The following FGD6 variants were observed in gnomAD, a reference collection of about 807,000 sequenced individuals.
FGD6 encodes FYVE, RhoGEF and PH domain containing 6.
Under a neutral mutation model 149.4 loss-of-function variants are expected in FGD6, and 90 were observed. The observed-to-expected ratio is 0.60, with a 90% confidence interval of 0.51 to 0.72. The LOEUF is 0.72. Among genes scored for constraint, FGD6 ranks in the 30% least tolerant of loss-of-function variants. The probability of loss-of-function intolerance (pLI) is 0.00; values close to 1 mark genes in which losing one functional copy is unlikely to be tolerated. For missense variants in FGD6, 1,437 were observed against 1,684.8 expected (o/e 0.85, Z 2.57); for synonymous variants, 527 against 584.0 (o/e 0.90, Z 1.41).
intron 3 of FGD6, among the ~76,000 whole-genome samples, chr12:95,168,263 C>G (rs1565914183): frequency 6.6e-6 from 1 of 152,112 alleles, no homozygotes. Context: ...TTCATATTTA[C>G]TCATCAAAGA....
intron 2 of FGD6, among the ~76,000 whole-genome samples, chr12:95,187,226 A>G (rs1426647836): frequency 6.6e-6 from 1 of 151,796 alleles, no homozygotes; most frequent in East Asian, 1.9e-4. Context: ...AACTACTCGG[A>G]AGGCTGAGGC....
chr12:95,153,102 C>A (rs1354852068), intron 3 of FGD6, 109 bp from the exon 4 acceptor site: 14 of 873,628 alleles, frequency 1.6e-5, no homozygotes, highest in Non-Finnish European at 2.4e-5. Flanking sequence ...TTCCTCCTAG[C>A]ACACAGTTCA....
intron 5 of FGD6, among the ~76,000 whole-genome samples, chr12:95,145,225 G>C (rs746086091): frequency 3.3e-5 from 5 of 152,068 alleles, no homozygotes; most frequent in Non-Finnish European, 7.4e-5. Context: ...CTGGCCTCAA[G>C]TGATCTTCCT....
At chr12:95,126,428 AAAAC>A in intron 8 of FGD6, 1 of 1,175,188 alleles carries the variant, frequency 8.5e-7, no homozygotes, top group Non-Finnish European at 1.2e-6. Flanking sequence ...TTCTTTAAAA[AAAAC>A]AAACAAAAAA....
intron 3 of FGD6, among the ~76,000 whole-genome samples, chr12:95,157,541 A>C (rs182714253): frequency 7.2e-6 from 1 of 139,842 alleles, no homozygotes; most frequent in Admixed American, 7.6e-5. Context: ...ACTCCAGCCT[A>C]GGCGACAAGA....
chr12:95,122,633 G>T (rs927801511), intron 8 of FGD6, among the ~76,000 whole-genome samples: 1 of 107,734 alleles, frequency 9.3e-6, no homozygotes, highest in Admixed American at 1.4e-4. Context: ...GCAACAGAGC[G>T]AGACTCAGTC....
chr12:95,108,353 C>G lies in FGD6; in HGVS notation c.3259G>C (p.Gly1087Arg), dbSNP rs757520918. The G allele has an allele frequency of 1.2e-6, 2 of 1,613,706 alleles. No homozygotes were observed. The highest frequency in any genetic ancestry group is 3.3e-5 in the Admixed American group (2 of 59,978). Residue 1087 changes from glycine to arginine, a missense_variant, in exon 11 of 21, where the codon GGT becomes CGT. By Grantham distance (125) the Gly-to-Arg change is moderately radical. This residue lies in a region of FGD6 where 382 missense variants were observed against 538.7 expected (regional missense o/e 0.71). Transcript: ENST00000343958. ...LNGHHEIVQP[G>R]RVFLKEGILM... ...AAGCAATGTAAAATGCTTACCCGAC[C>G]AGGCTGCACAATTTCATGGTGTCCA...
intron 2 of FGD6, among the ~76,000 whole-genome samples, chr12:95,199,777 G>T (rs1460603376): frequency 2.6e-5 from 4 of 152,032 alleles, no homozygotes; most frequent in African/African-American, 9.7e-5. Flanking sequence ...GCTAATTTTT[G>T]TATTTTTAGT....
chr12:95,191,305 T>C (rs1881582263), intron 2 of FGD6, among the ~76,000 whole-genome samples: 1 of 152,178 alleles, frequency 6.6e-6, no homozygotes, highest in Non-Finnish European at 1.5e-5. Flanking sequence ...GACAGATGCA[T>C]GTGAGGTCTT....
intron 18 of FGD6, among the ~76,000 whole-genome samples, chr12:95,087,530 T>G (rs1217577067): frequency 6.6e-6 from 1 of 152,198 alleles, no homozygotes; most frequent in Non-Finnish European, 1.5e-5. Context: ...CCCCCAGTCT[T>G]GCAAGTACAA....
chr12:95,168,347 T>C (rs1275287467), intron 3 of FGD6, among the ~76,000 whole-genome samples: 2 of 152,198 alleles, frequency 1.3e-5, no homozygotes, highest in African/African-American at 4.8e-5. Context: ...TGTTTAAGAT[T>C]TGGCTTGCTT....
Position 95,102,181 on chromosome 12 carries a change from C to T in FGD6, c.3497+2826G>A, listed in dbSNP as rs74539281. Among the ~76,000 whole-genome samples, 1,398 of 151,946 alleles carry T rather than the reference C, an allele frequency of 9.2e-3. 21 individuals are homozygous for T. Among genetic ancestry groups the T allele is most frequent in the African/African-American group, 0.032 (1,325 of 41,494 alleles). Reference sequence around the variant, plus strand: ...AAAGATGGCCAGACGTGGTGACTCACGCCTGTAATCCCAGCACTTTGGGAG... The same window carrying T: ...AAAGATGGCCAGACGTGGTGACTCATGCCTGTAATCCCAGCACTTTGGGAG... On this transcript the variant is annotated intron_variant, in intron 14 of 20. Coordinates refer to ENST00000343958, the MANE Select transcript of FGD6 (RefSeq NM_018351.4).
At chr12:95,192,442 G>A (rs1171654021) in intron 2 of FGD6, among the ~76,000 whole-genome samples, 1 of 152,196 alleles carries the variant, frequency 6.6e-6, no homozygotes, top group East Asian at 1.9e-4. Context: ...CAGGCAATAT[G>A]CTAGAGAAGG....
intron 20 of FGD6, among the ~76,000 whole-genome samples, chr12:95,083,173 A>G (rs1940825992): frequency 6.6e-6 from 1 of 151,156 alleles, no homozygotes; most frequent in Non-Finnish European, 1.5e-5. Flanking sequence ...CAAAAATTTA[A>G]TATTGAACAT....
intron 14 of FGD6, among the ~76,000 whole-genome samples, chr12:95,097,730 T>C (rs1225115001): frequency 1.3e-5 from 2 of 151,400 alleles, no homozygotes; most frequent in Non-Finnish European, 2.9e-5. Flanking sequence ...GCCACATCAC[T>C]TTGATTTGTG....
rs1877671040 is a variant in FGD6, at chr12:95,081,497, C to G, written c.*23G>C. 1 of 1,585,706 alleles carries G rather than the reference C, an allele frequency of 6.3e-7. No homozygotes were observed. Among genetic ancestry groups the G allele is most frequent in the African/African-American group, 1.3e-5 (1 of 74,322 alleles). ...ATGAAATTCCACCTCTTTGGAATCA[C>G]AGAAGAGATGAAACCAATACTGCTA... On this transcript the variant is annotated 3_prime_UTR_variant, in exon 21 of 21. Transcript: ENST00000343958.
intron 1 of FGD6, among the ~76,000 whole-genome samples, chr12:95,211,895 A>C (rs1466872132): frequency 6.6e-6 from 1 of 152,148 alleles, no homozygotes; most frequent in African/African-American, 2.4e-5. Flanking sequence ...GGACCCACAT[A>C]GTTGTTCTTC....
intron 3 of FGD6, among the ~76,000 whole-genome samples, chr12:95,170,715 A>G (rs1368977247): frequency 6.6e-6 from 1 of 152,244 alleles, no homozygotes; most frequent in Non-Finnish European, 1.5e-5. Context: ...TACCAGTGGT[A>G]CCTGGAACAT....
chr12:95,172,532 A>T, intron 3 of FGD6, 68 bp downstream of exon 3: 1 of 1,357,870 alleles, frequency 7.4e-7, no homozygotes, highest in Non-Finnish European at 9.9e-7. Context: ...TTCTGTGCCT[A>T]TTATGCAGAC....
Sources: allele counts gnomAD v4.1 joint callset (sites outside exome capture counted in the v4.1 genomes callset), GRCh38; gene constraint gnomAD v4.1.1; regional missense constraint gnomAD v4.1.1; transcripts MANE v1.5; gene names NCBI Gene and HGNC (gene_info 2026-07-23, HGNC 2026-07-21).